The following MTOR variants were observed in gnomAD, a reference collection of about 807,000 sequenced individuals.
MTOR encodes the protein serine/threonine-protein kinase mTOR.
Under a neutral mutation model 319.8 loss-of-function variants are expected in MTOR, and 70 were observed. That is an observed-to-expected ratio of 0.22 (90% CI 0.18 to 0.27). The LOEUF is 0.27. MTOR is among the 10% of genes least tolerant of loss of function. The pLI is 1.00. For missense variants in MTOR, 1,890 were observed against 3,274.4 expected, an observed-to-expected ratio of 0.58 and a Z score of 10.32; for synonymous variants, 1,183 against 1,211.4, an observed-to-expected ratio of 0.98 and a Z score of 0.49.
chr1:11,171,653 G>A (rs1176937575), intron 28 of MTOR, among the ~76,000 whole-genome samples: 1 of 152,084 alleles, frequency 6.6e-6, no homozygotes, highest in Non-Finnish European at 1.5e-5. Context: ...CCTTAATACA[G>A]CTACAGCCTT....
intron 26 of MTOR, among the ~76,000 whole-genome samples, chr1:11,200,615 T>C (rs977885199): frequency 2.6e-5 from 4 of 152,222 alleles, no homozygotes; most frequent in East Asian, 1.9e-4. Context: ...TTCTGTTACA[T>C]ATTAACAGGT....
intron 19 of MTOR, among the ~76,000 whole-genome samples, chr1:11,227,599 A>G (rs1356296142): frequency 1.3e-5 from 2 of 152,064 alleles, no homozygotes; most frequent in African/African-American, 4.8e-5. Context: ...TGGTAGTAGT[A>G]GGGACATATA....
intron 28 of MTOR, among the ~76,000 whole-genome samples, chr1:11,169,387 A>G (rs1644741544): frequency 6.6e-6 from 1 of 152,230 alleles, no homozygotes; most frequent in Non-Finnish European, 1.5e-5. Flanking sequence ...ATTTTCCCCA[A>G]GGCCCACAGG....
chr1:11,227,986 A>G, intron 19 of MTOR, among the ~76,000 whole-genome samples: 1 of 151,586 alleles, frequency 6.6e-6, no homozygotes, highest in Admixed American at 6.6e-5. Context: ...TAATGGGACC[A>G]ACTGGTGGCA....
intron 28 of MTOR, chr1:11,192,308 T>C (rs770899260): frequency 2.5e-6 from 4 of 1,613,952 alleles, no homozygotes; most frequent in Admixed American, 1.7e-5. Flanking sequence ...CCAGAAGAAC[T>C]ACCGCATCTC....
At position 11,230,907 on chromosome 1, in the gene MTOR, T is replaced by C; in HGVS notation, c.2779+18A>G. 1.2e-6 allele frequency: 2 copies of C among 1,613,406 alleles called. No homozygotes were observed. Among genetic ancestry groups the C allele is most frequent in the South Asian group, 1.1e-5 (1 of 91,036 alleles). On this transcript the variant is annotated intron_variant, in intron 18 of 57. Transcript: ENST00000361445. ...GAGTGAGAACTTGGCAAGTCTTTCA[T>C]GGCTACCCCCAACTTACAGGAATCC...
Position 11,133,306 on chromosome 1 carries a change from T to C in MTOR, c.5247-109A>G. 1.0e-6 allele frequency: 1 copy of C among 973,622 alleles called. No homozygotes were observed. Among genetic ancestry groups the C allele is most frequent in the South Asian group, 1.5e-5 (1 of 68,334 alleles). The allele number at this position is 973,622 out of a possible 1,614,324, so 60.3% of individuals were successfully genotyped here. On this transcript the variant is annotated intron_variant, in intron 37 of 57. Transcript: ENST00000361445. This position sits in a 1 kb window ranked among gnomAD's most constrained non-coding sequence, Gnocchi z 4.0. ...GAAGCCCTTCTGGTATTTCCTCTTA[T>C]TCTCAAGAGGCAATGTGAAGGAGCT...
Position 11,128,836 on chromosome 1 carries a change from T to G in MTOR, c.5811+19A>C. The G allele has an allele frequency of 6.2e-7, 1 of 1,603,748 alleles. No homozygotes were observed. Among genetic ancestry groups the G allele is most frequent in the South Asian group, 1.1e-5 (1 of 90,210 alleles). ...AGAGAGACTTGGAGCCACCTTCACC[T>G]GTAACCAAGTATCCTCACCTGTAGC... On this transcript the variant is annotated intron_variant, in intron 41 of 57. Coordinates refer to ENST00000361445, the MANE Select transcript of MTOR (RefSeq NM_004958.4). This position sits in a 1 kb window ranked among gnomAD's most constrained non-coding sequence, Gnocchi z 5.3.
At chr1:11,255,576 C>T (rs376130832) in intron 5 of MTOR, among the ~76,000 whole-genome samples, 3 of 152,134 alleles carry the variant, frequency 2.0e-5, no homozygotes, top group Non-Finnish European at 4.4e-5. Flanking sequence ...GGAGGCCAGG[C>T]GCGGTAGCTC....
intron 26 of MTOR, among the ~76,000 whole-genome samples, chr1:11,202,420 C>CAAAAAAA (rs35136193): frequency 1.4e-5 from 1 of 72,150 alleles, no homozygotes; most frequent in Non-Finnish European, 2.4e-5. Context: ...AACTCCGTCT[C>CAAAAAAA]AAAAAAAAAA....
At chr1:11,195,117 AG>A in intron 28 of MTOR, 1 of 1,326,684 alleles carries the variant, frequency 7.5e-7, no homozygotes, top group South Asian at 1.4e-5. Flanking sequence ...TAGAAAGGGT[AG>A]GACTGAGAAA....
chr1:11,138,717 G>A (rs1018773702), intron 36 of MTOR, among the ~76,000 whole-genome samples: 3 of 152,142 alleles, frequency 2.0e-5, no homozygotes, highest in African/African-American at 7.2e-5. Context: ...AGGGCCTACT[G>A]TTTATTAGTC....
Position 11,213,473 on chromosome 1 carries a change from G to T in MTOR, c.3211C>A (p.Leu1071Met). ...VALGGEFKLYLPQLIPHMLRV... is the reference protein window; with the variant it reads ...VALGGEFKLYMPQLIPHMLRV... Reference sequence around the variant, plus strand: ...AGCATGTGTGGGATCAGCTGGGGCAGGTAGAGCTTAAATTCACCCCCAAGA... The same window carrying T: ...AGCATGTGTGGGATCAGCTGGGGCATGTAGAGCTTAAATTCACCCCCAAGA... The change falls in exon 21 of 58, where the codon CTG (leucine) becomes ATG (methionine). Residue 1071 changes from leucine to methionine, a missense_variant. Transcript: ENST00000361445. 2 of 1,614,006 alleles carry T rather than the reference G, an allele frequency of 1.2e-6. No homozygotes were observed. Among genetic ancestry groups the T allele is most frequent in the Non-Finnish European group, 1.7e-6 (2 of 1,179,996 alleles).
At chr1:11,112,755 G>T in intron 54 of MTOR, 97 bp downstream of exon 54, 1 of 1,258,044 alleles carries the variant, frequency 7.9e-7, no homozygotes, top group Non-Finnish European at 1.2e-6. Context: ...CCTCTGTAAC[G>T]TCCTGCGGGA....
chr1:11,203,359 A>G (rs937603859), intron 26 of MTOR, among the ~76,000 whole-genome samples: 3 of 152,208 alleles, frequency 2.0e-5, no homozygotes, highest in African/African-American at 7.2e-5. Context: ...TACTTTGAAA[A>G]TATATGTACA....
intron 46 of MTOR, 78 bp downstream of exon 46, chr1:11,126,544 G>C: frequency 6.8e-7 from 1 of 1,480,190 alleles, no homozygotes. Context: ...ATGGCAAGCA[G>C]TAATTTCAGA....
chr1:11,248,282 C>T (rs1283433684), intron 6 of MTOR, among the ~76,000 whole-genome samples, 188 bp from the exon 7 acceptor site: 1 of 152,134 alleles, frequency 6.6e-6, no homozygotes, highest in Non-Finnish European at 1.5e-5. Context: ...TGATTTTGTT[C>T]TAAGTTAGGC....
intron 28 of MTOR, among the ~76,000 whole-genome samples, chr1:11,183,894 A>T (rs1451465504): frequency 6.6e-6 from 1 of 152,210 alleles, no homozygotes; most frequent in Non-Finnish European, 1.5e-5. Context: ...CTGTGGTGCT[A>T]CCTTGTTATA....
Position 11,233,440 on chromosome 1 carries a change from A to T in MTOR, c.2379T>A (p.Gly793=). The T allele has an allele frequency of 6.2e-7, 1 of 1,614,030 alleles. No individual in the cohort carries two copies. The highest frequency in any genetic ancestry group is 8.5e-7 in the Non-Finnish European group (1 of 1,179,978). ...LKDPDPDPNP[G]VINNVLATIG... ...TTGTTGCCAGGACATTATTGATCAC[A>T]CCTGGGTTTGGATCAGGGTCTGGAT... is the stretch of plus-strand genomic sequence containing the variant. The change falls in exon 15 of 58, where the codon GGT becomes GGA. Residue 793 remains glycine, a synonymous_variant. Coordinates refer to ENST00000361445, the MANE Select transcript of MTOR (RefSeq NM_004958.4).
Sources: gnomAD v4.1 joint callset for allele counts (sites outside exome capture counted in the v4.1 genomes callset) on GRCh38, gnomAD v4.1.1 for gene constraint, Gnocchi (gnomAD v3.1) non-coding constraint, MANE v1.5 for transcripts, NCBI Gene and HGNC (gene_info 2026-07-23, HGNC 2026-07-21) for gene names.